Variants in DNAH7 observed in about 807,000 individuals in gnomAD.
DNAH7 encodes dynein axonemal heavy chain 7.
In DNAH7, 397 loss-of-function variants were observed where a neutral mutation model predicts 444.6. The observed-to-expected ratio is 0.89, with a 90% CI of 0.82 to 0.97. The LOEUF (loss-of-function observed/expected upper bound fraction) is 0.97. DNAH7 is among the 50% of genes least tolerant of loss of function. DNAH7 has a pLI of 0.00. For missense variants in DNAH7, 4,902 were observed against 4,800.8 expected (o/e 1.02, Z -0.62); for synonymous variants, 1,636 against 1,624.4 (o/e 1.01, Z -0.17).
chr2:196,011,124 A>G (rs1694706101), intron 10 of DNAH7, among the ~76,000 whole-genome samples: 1 of 152,224 alleles, frequency 6.6e-6, no homozygotes, highest in Non-Finnish European at 1.5e-5. Context: ...ACAAGAATTT[A>G]TAGTATATTC....
At chr2:195,997,433 T>A (rs1010096834) in intron 12 of DNAH7, among the ~76,000 whole-genome samples, 2 of 152,120 alleles carry the variant, frequency 1.3e-5, no homozygotes, top group African/African-American at 2.4e-5. Flanking sequence ...GAGAATCGCG[T>A]GAACCCAGGA....
At chr2:195,931,933 A>G (rs532979791) in intron 21 of DNAH7, among the ~76,000 whole-genome samples, 290 of 152,232 alleles carry the variant, frequency 1.9e-3, no homozygotes, top group African/African-American at 6.5e-3. Context: ...TATGAACTTT[A>G]AAGTAGTTTT....
chr2:195,909,149 G>T (rs989576830), intron 25 of DNAH7, among the ~76,000 whole-genome samples: 7 of 151,898 alleles, frequency 4.6e-5, no homozygotes, highest in Non-Finnish European at 7.4e-5. Context: ...GATTATCTGG[G>T]TGACAAAATT....
rs1574673052 is a variant in DNAH7 at position 195,888,332 on chromosome 2, G to C, written c.5332C>G (p.Gln1778Glu). Reference sequence around the variant, plus strand: ...AATAAGCCCATTATGAATTCCTTTTGAATAACACTGACTGACGCAGGTAAC... The same window carrying C: ...AATAAGCCCATTATGAATTCCTTTTCAATAACACTGACTGACGCAGGTAAC... ...NLLPASVSVI[Q>E]KEFIMGLFDR... The change falls in exon 33 of 65, where the codon CAA becomes GAA. Residue 1778 changes from glutamine to glutamate, a missense_variant. Gln to Glu is a conservative substitution (Grantham distance 29). Coordinates refer to ENST00000312428, the MANE Select transcript of DNAH7 (RefSeq NM_018897.3). The C allele has an allele frequency of 6.2e-7, 1 of 1,610,762 alleles. No homozygotes were observed. Among genetic ancestry groups the C allele is most frequent in the Admixed American group, 1.7e-5 (1 of 59,318 alleles).
At chr2:196,055,456 CT>C (rs1188434945) in intron 2 of DNAH7, among the ~76,000 whole-genome samples, 2 of 152,174 alleles carry the variant, frequency 1.3e-5, no homozygotes, top group Non-Finnish European at 2.9e-5. Context: ...TCAGACAGTA[CT>C]TTCTGAAATA....
chr2:195,821,019 C>T lies in DNAH7; in HGVS notation c.9292-3190G>A, dbSNP rs144576144. 2.8e-4 allele frequency among the ~76,000 whole-genome samples: 43 copies of T among 152,290 alleles called. No homozygotes were observed. In the East Asian group the frequency reaches 8.1e-3, roughly 29 times the overall value. ...CATGCAGAATCAGCCCCGCACCAGG[C>T]CAATGCCTAAGCAACTTGGGGCTAG... is the stretch of plus-strand genomic sequence containing the variant. On this transcript the variant is annotated intron_variant, in intron 49 of 64. Coordinates refer to ENST00000312428, the MANE Select transcript of DNAH7 (RefSeq NM_018897.3).
chr2:195,896,665 T>C (rs532837356), intron 29 of DNAH7, among the ~76,000 whole-genome samples: 2 of 152,152 alleles, frequency 1.3e-5, no homozygotes, highest in Non-Finnish European at 2.9e-5. Flanking sequence ...TGAGGTATAT[T>C]TCCATATTCT....
At chr2:195,766,167 ATTTTTTTTTTT>A (rs755912873) in intron 61 of DNAH7, among the ~76,000 whole-genome samples, 3 of 57,328 alleles carry the variant, frequency 5.2e-5, no homozygotes, top group Non-Finnish European at 1.1e-4. Context: ...GTGGGAGCTA[ATTTTTTTTTTT>A]TTTTTTTTTT....
At chr2:195,749,355 G>T (rs1167609340) in intron 63 of DNAH7, among the ~76,000 whole-genome samples, 1 of 150,394 alleles carries the variant, frequency 6.6e-6, no homozygotes, top group African/African-American at 2.4e-5. Context: ...AGGATGTGGA[G>T]AAATAGGAAC....
chr2:195,917,783 T>C (rs768382235), intron 24 of DNAH7, among the ~76,000 whole-genome samples: 5 of 152,158 alleles, frequency 3.3e-5, no homozygotes, highest in Non-Finnish European at 7.4e-5. Context: ...GCCTTCAATG[T>C]AGCTAGGACT....
intron 18 of DNAH7, among the ~76,000 whole-genome samples, chr2:195,958,955 T>G (rs1260218291): frequency 6.6e-6 from 1 of 152,130 alleles, no homozygotes; most frequent in African/African-American, 2.4e-5. Context: ...TAAGGAAGAA[T>G]GATTTATTAA....
In DNAH7 at chr2:196,029,250, TTTTG is replaced by T. The variant is rs566487971; in HGVS notation, c.399-1207_399-1204del. 4.4e-3 allele frequency among the ~76,000 whole-genome samples: 593 copies of T among 135,602 alleles called. 3 individuals are homozygous for T. Among genetic ancestry groups the T allele is most frequent in the African/African-American group, 0.017 (468 of 27,748 alleles). 89.0% of individuals were successfully genotyped at this position (135,602 alleles called of 152,430 possible). On this transcript the variant is annotated intron_variant, in intron 5 of 64. Coordinates refer to ENST00000312428, the MANE Select transcript of DNAH7 (RefSeq NM_018897.3). ...CCATAAAGCATATGACCTCAGTAAC[TTTTG>T]TTTGTTTGTTTGTTTGTTTGTTTTA...
chr2:195,806,681 T>G, intron 54 of DNAH7, 59 bp downstream of exon 54: 4 of 1,437,652 alleles, frequency 2.8e-6, no homozygotes, highest in East Asian at 2.3e-5. Flanking sequence ...CACATTTGGA[T>G]GGACTGAGCA....
Position 195,861,963 on chromosome 2 carries a change from T to C in DNAH7, c.7507-17A>G. 3 of 1,581,566 alleles carry C rather than the reference T, an allele frequency of 1.9e-6. No homozygotes were observed. The highest frequency in any genetic ancestry group is 2.6e-6 in the Non-Finnish European group (3 of 1,151,426). ...AGGCCATGACTAAATGTAAGATAAA[T>C]GCTTTAGCATTTTATTAAGATTACG... On this transcript the variant is annotated splice_polypyrimidine_tract_variant and intron_variant, in intron 41 of 64. Coordinates refer to ENST00000312428, the MANE Select transcript of DNAH7 (RefSeq NM_018897.3).
intron 8 of DNAH7, among the ~76,000 whole-genome samples, chr2:196,020,403 T>C (rs1228731986): frequency 6.6e-6 from 1 of 152,152 alleles, no homozygotes; most frequent in Non-Finnish European, 1.5e-5. Context: ...GCCATCTTCA[T>C]CTTTCAGAAT....
intron 10 of DNAH7, among the ~76,000 whole-genome samples, chr2:196,008,706 A>C (rs963088418): frequency 3.3e-5 from 5 of 152,232 alleles, no homozygotes; most frequent in African/African-American, 1.2e-4. Context: ...CACTGAGACG[A>C]AATGTCCAGA....
chr2:195,888,534 C>T lies in DNAH7; in HGVS notation c.5230-100G>A, dbSNP rs374531929. On this transcript the variant is annotated intron_variant, in intron 32 of 64. Transcript: ENST00000312428. Reference sequence around the variant, plus strand: ...TTATAACCTTCAGCAAAGTCTTGGGCGGGGGGAAGCTTAATATTATATAAT... The same window carrying T: ...TTATAACCTTCAGCAAAGTCTTGGGTGGGGGGAAGCTTAATATTATATAAT... 1,578 of 1,208,960 alleles carry T rather than the reference C, an allele frequency of 1.3e-3. 35 individuals carry two copies. In the South Asian group the frequency reaches 0.022, roughly 17 times the overall value. 74.9% of individuals were successfully genotyped at this position (1,208,960 alleles called of 1,614,324 possible). A position where few individuals can be genotyped will look rare whatever the true frequency, so the allele number is the denominator to read the frequency against.
At chr2:195,747,769 T>A (rs1276554477) in intron 63 of DNAH7, among the ~76,000 whole-genome samples, 2 of 152,108 alleles carry the variant, frequency 1.3e-5, no homozygotes, top group Non-Finnish European at 2.9e-5. Flanking sequence ...GAAAAGGCCT[T>A]TGACAAAATT....
In DNAH7 at chr2:195,960,428, ATCT is replaced by A. The variant is rs774660761; in HGVS notation, c.2720_2722del (p.Lys907del). The A allele has an allele frequency of 1.9e-6, 3 of 1,614,078 alleles. No individual in the cohort carries two copies. Among genetic ancestry groups the A allele is most frequent in the East Asian group, 2.2e-5 (1 of 44,898 alleles). On this transcript the variant is annotated inframe_deletion, in exon 18 of 65. Coordinates refer to ENST00000312428, the MANE Select transcript of DNAH7 (RefSeq NM_018897.3). Reference sequence around the variant, plus strand: ...TTCCACTGCATCCCACTCAGTAATCATCTTCTCCATCGCCTTTTCAAGAGAATA... The same window carrying A: ...TTCCACTGCATCCCACTCAGTAATCATCTCCATCGCCTTTTCAAGAGAATA...
Sources: allele counts gnomAD v4.1 joint callset (sites outside exome capture counted in the v4.1 genomes callset), GRCh38; gene constraint gnomAD v4.1.1; transcripts MANE v1.5; gene names NCBI Gene and HGNC (gene_info 2026-07-23, HGNC 2026-07-21).